NALF1: variants seen among roughly 807,000 people sequenced by gnomAD.
NALF1 encodes NALCN channel auxiliary factor 1.
In NALF1, 3 loss-of-function variants were observed where a neutral mutation model predicts 48.4. That is an observed-to-expected ratio of 0.06 (90% CI 0.03 to 0.16). The LOEUF (loss-of-function observed/expected upper bound fraction) is 0.16, where lower values mean the gene tolerates loss of function less well. NALF1 is among the 10% of genes least tolerant of loss of function. NALF1 has a pLI of 1.00. For missense variants in NALF1, 526 were observed against 571.5 expected (o/e 0.92, Z 0.81); for synonymous variants, 262 against 245.7 (o/e 1.07, Z -0.62).
chr13:107,629,828 G>A (rs1879784844), intron 1 of NALF1, among the ~76,000 whole-genome samples: 1 of 152,074 alleles, frequency 6.6e-6, no homozygotes, highest in African/African-American at 2.4e-5. Context: ...TTATATGTAT[G>A]TGTATGTATT....
At chr13:107,338,964 C>G (rs1489529040) in intron 1 of NALF1, among the ~76,000 whole-genome samples, 1 of 151,858 alleles carries the variant, frequency 6.6e-6, no homozygotes, top group Non-Finnish European at 1.5e-5. Context: ...AACCCCGTCT[C>G]TACTAAAAAT....
intron 2 of NALF1, among the ~76,000 whole-genome samples, chr13:107,172,541 T>C (rs1040094652): frequency 2.6e-5 from 4 of 152,208 alleles, no homozygotes; most frequent in African/African-American, 9.6e-5. Context: ...TATTCATTTC[T>C]TCTTAGGCAT....
intron 1 of NALF1, among the ~76,000 whole-genome samples, chr13:107,646,288 C>CT (rs1462711667): frequency 1.4e-5 from 2 of 147,808 alleles, no homozygotes; most frequent in Non-Finnish European, 3.0e-5. Context: ...CTGCCAACTT[C>CT]TTAAAAAAAA....
At chr13:107,648,457 T>A (rs1185899037) in intron 1 of NALF1, among the ~76,000 whole-genome samples, 3 of 152,200 alleles carry the variant, frequency 2.0e-5, no homozygotes, top group Non-Finnish European at 4.4e-5. Context: ...CAGATTGGCT[T>A]CTTTCACTTA....
intron 1 of NALF1, among the ~76,000 whole-genome samples, chr13:107,764,638 A>G (rs893342712): frequency 5.3e-5 from 8 of 152,180 alleles, no homozygotes; most frequent in African/African-American, 1.9e-4. Context: ...GACTACATCA[A>G]GATGACCATT....
At chr13:107,745,015 C>G (rs1324470182) in intron 1 of NALF1, among the ~76,000 whole-genome samples, 2 of 152,172 alleles carry the variant, frequency 1.3e-5, no homozygotes, top group Non-Finnish European at 2.9e-5. Context: ...CAACCAGTAT[C>G]AACACGAAAG....
At chr13:107,312,340 C>T (rs984185388) in intron 1 of NALF1, among the ~76,000 whole-genome samples, 3 of 151,888 alleles carry the variant, frequency 2.0e-5, no homozygotes, top group Admixed American at 6.6e-5. Flanking sequence ...CCAAACACTG[C>T]ATGTTCTCAC....
intron 1 of NALF1, among the ~76,000 whole-genome samples, chr13:107,693,328 TA>T (rs112142495): frequency 0.33 from 18,046 of 55,464 alleles, 1,360 homozygotes; most frequent in Non-Finnish European, 0.35. Flanking sequence ...TGTCGTAGGG[TA>T]GGGGGGGCGG....
chr13:107,436,033 C>T (rs1324465309), intron 1 of NALF1, among the ~76,000 whole-genome samples: 2 of 152,174 alleles, frequency 1.3e-5, no homozygotes, highest in African/African-American at 2.4e-5. Context: ...GGGGTGCCAT[C>T]TTTATAAAAT....
chr13:107,848,204 A>G (rs1243541390), intron 1 of NALF1, among the ~76,000 whole-genome samples: 1 of 152,210 alleles, frequency 6.6e-6, no homozygotes, highest in African/African-American at 2.4e-5. Flanking sequence ...TGTTCCCAAA[A>G]TATTTCAAAC....
At chr13:107,171,530 C>T (rs894891108) in intron 2 of NALF1, among the ~76,000 whole-genome samples, 2 of 152,184 alleles carry the variant, frequency 1.3e-5, no homozygotes, top group Admixed American at 1.3e-4. Flanking sequence ...TTCTCTTGTT[C>T]TCTCTTCACT....
At chr13:107,173,672 T>C (rs544233115) in intron 2 of NALF1, among the ~76,000 whole-genome samples, 254 of 152,322 alleles carry the variant, frequency 1.7e-3, no homozygotes, top group African/African-American at 5.7e-3. Context: ...TTTCTCCTTT[T>C]GAGGGTTTAC....
At chr13:107,196,250 A>T (rs1879390607) in intron 2 of NALF1, among the ~76,000 whole-genome samples, 2 of 152,204 alleles carry the variant, frequency 1.3e-5, no homozygotes, top group Admixed American at 1.3e-4. Context: ...AACCCCCATG[A>T]CATGACTTTA....
rs907446038 is a variant in NALF1, at chr13:107,818,857, G to C, written c.915+46825C>G. Among the ~76,000 whole-genome samples the C allele has an allele frequency of 1.8e-4, 16 of 91,316 alleles. 1 individual carries two copies. The South Asian group carries it at 7.0e-3, about 40-fold the overall frequency. The allele number at this position is 91,316 out of a possible 152,430, so 59.9% of individuals were successfully genotyped here. On this transcript the variant is annotated intron_variant, in intron 1 of 2. Transcript: ENST00000375915. ...ACTGCACTCCAGCCTGGGCGACAGA[G>C]CGAGACTCCGTCTCAAAAAAAAAAA...
chr13:107,264,882 A>G (rs996806150), intron 1 of NALF1, among the ~76,000 whole-genome samples: 1 of 152,234 alleles, frequency 6.6e-6, no homozygotes, highest in Non-Finnish European at 1.5e-5. Flanking sequence ...CTAATTAACC[A>G]TTCCATGATC....
At chr13:107,606,819 A>C (rs985165521) in intron 1 of NALF1, among the ~76,000 whole-genome samples, 1 of 152,168 alleles carries the variant, frequency 6.6e-6, no homozygotes, top group African/African-American at 2.4e-5. Context: ...GATATTACTG[A>C]GGCACCAGTG....
intron 1 of NALF1, among the ~76,000 whole-genome samples, chr13:107,776,995 G>A (rs897818901): frequency 2.0e-5 from 3 of 152,012 alleles, no homozygotes; most frequent in Non-Finnish European, 4.4e-5. Context: ...GGGAGACTGA[G>A]GGGGGGAAGA....
intron 1 of NALF1, among the ~76,000 whole-genome samples, chr13:107,655,817 T>C (rs996163693): frequency 4.6e-5 from 7 of 151,914 alleles, no homozygotes; most frequent in Admixed American, 1.3e-4. Flanking sequence ...TAGTCACATA[T>C]ACTAATGGAA....
intron 1 of NALF1, among the ~76,000 whole-genome samples, chr13:107,497,872 G>A (rs494756): frequency 2.6e-5 from 4 of 151,902 alleles, no homozygotes; most frequent in Admixed American, 6.6e-5. Context: ...ACAAAACAAC[G>A]AAATCACAAA....
Sources: gnomAD v4.1 joint callset for allele counts (sites outside exome capture counted in the v4.1 genomes callset) on GRCh38, gnomAD v4.1.1 for gene constraint, MANE v1.5 for transcripts, NCBI Gene and HGNC (gene_info 2026-07-23, HGNC 2026-07-21) for gene names.